Variants in MAP3K14 observed in about 807,000 individuals in gnomAD.
MAP3K14 encodes the protein mitogen-activated protein kinase kinase kinase 14.
MAP3K14 carries 16 observed loss-of-function variants against 99.2 expected under a neutral mutation model. The observed-to-expected ratio is 0.16, with a 90% CI of 0.11 to 0.24. The LOEUF is 0.24. MAP3K14 is among the 10% of genes least tolerant of loss of function. The pLI, the probability that MAP3K14 is intolerant of heterozygous loss-of-function variation, is 1.00. For missense variants in MAP3K14, 784 were observed against 1,208.7 expected (o/e 0.65, Z 5.21); for synonymous variants, 462 against 492.4 (o/e 0.94, Z 0.82).
intron 1 of MAP3K14, among the ~76,000 whole-genome samples, chr17:45,310,218 T>C (rs1463453993): frequency 2.5e-4 from 38 of 151,936 alleles, no homozygotes; most frequent in Non-Finnish European, 5.9e-5. Context: ...GTATTTTTAG[T>C]AGAGATGGGG....
At chr17:45,308,402 T>G (rs944539402) in intron 1 of MAP3K14, among the ~76,000 whole-genome samples, 18 of 152,194 alleles carry the variant, frequency 1.2e-4, no homozygotes, top group Non-Finnish European at 1.9e-4. Flanking sequence ...GCCTATGGGA[T>G]GTGCCAGTGT....
chr17:45,297,309 A>G (rs2044353066), intron 1 of MAP3K14, among the ~76,000 whole-genome samples: 1 of 152,246 alleles, frequency 6.6e-6, no homozygotes. Context: ...GCATCTGCCC[A>G]TCTACTGTTG....
rs546789571 is a variant in MAP3K14 at position 45,308,432 on chromosome 17, C to T, written c.-21+8528G>A. On this transcript the variant is annotated intron_variant, in intron 1 of 15. Coordinates refer to ENST00000344686, the MANE Select transcript of MAP3K14 (RefSeq NM_003954.5). Reference sequence around the variant, plus strand: ...CAGTGTGGTCACTGCCCTCCCAATTCTCACTTGGAGGGGTGGGAGGTGGTC... The same window carrying T: ...CAGTGTGGTCACTGCCCTCCCAATTTTCACTTGGAGGGGTGGGAGGTGGTC... Among the ~76,000 whole-genome samples the T allele has an allele frequency of 3.3e-5, 5 of 152,336 alleles. No individual in the cohort carries two copies. In the East Asian group the frequency reaches 9.6e-4, roughly 29 times the overall value.
In MAP3K14 at chr17:45,286,469, G is replaced by T; in HGVS notation, c.1114C>A (p.Pro372Thr). The change falls in exon 5 of 16, where the codon CCC becomes ACC. Residue 372 changes from proline to threonine, a missense_variant. Pro to Thr is a conservative substitution (Grantham distance 38). This residue lies in a region of MAP3K14 where 138 missense variants were observed against 164.1 expected (regional missense o/e 0.84). Coordinates refer to ENST00000344686, the MANE Select transcript of MAP3K14 (RefSeq NM_003954.5). This position sits in a 1 kb window ranked among gnomAD's most constrained non-coding sequence, Gnocchi z 4.1. ...ARGSRSREPS[P>T]KTEDNEGVLL... Reference sequence around the variant, plus strand: ...ACACCCTCGTTGTCCTCAGTTTTGGGGCTGGGCTCCCGGGATCTGGAGCCC... The same window carrying T: ...ACACCCTCGTTGTCCTCAGTTTTGGTGCTGGGCTCCCGGGATCTGGAGCCC... 1 of 1,602,008 alleles carries T rather than the reference G, an allele frequency of 6.2e-7. No individual in the cohort carries two copies. Among genetic ancestry groups the T allele is most frequent in the Non-Finnish European group, 8.5e-7 (1 of 1,173,142 alleles).
At position 45,275,152 on chromosome 17, in the gene MAP3K14, T is replaced by TA. The variant is rs1177840962; in HGVS notation, c.1291-560dup. On this transcript the variant is annotated intron_variant, in intron 6 of 15. Transcript: ENST00000344686. ...AGACTCCGTCTCAAAAAAAAAAAAT[T>TA]AAAAAAACAAAACAAAACACTACAT... Among the ~76,000 whole-genome samples the TA allele has an allele frequency of 2.9e-5, 4 of 137,342 alleles. No individual in the cohort carries two copies. The East Asian group carries it at 8.8e-4, about 30-fold the overall frequency. The allele number at this position is 137,342 out of a possible 152,430, so 90.1% of individuals were successfully genotyped here.
In MAP3K14 at chr17:45,267,071, C is replaced by T. The variant is rs1388967972; in HGVS notation, c.2433+21G>A. The T allele has an allele frequency of 6.5e-7, 1 of 1,543,864 alleles. No homozygotes were observed. The highest frequency in any genetic ancestry group is 8.8e-7 in the Non-Finnish European group (1 of 1,137,328). ...AAACCACACCCCTGGAGCCATGGCT[C>T]CGGGGCCACAACCGACTCACCTTCT... On this transcript the variant is annotated intron_variant, in intron 13 of 15. Transcript: ENST00000344686. The surrounding 1 kb of genome is among the most constrained non-coding windows in gnomAD (Gnocchi z 5.1).
chr17:45,284,328 G>A (rs1399078634), intron 6 of MAP3K14, among the ~76,000 whole-genome samples: 4 of 152,204 alleles, frequency 2.6e-5, no homozygotes, highest in Non-Finnish European at 4.4e-5. Context: ...ACTGTGGCAC[G>A]CCTGGCCAAC....
intron 1 of MAP3K14, among the ~76,000 whole-genome samples, chr17:45,312,863 G>A (rs2044493253): frequency 6.6e-6 from 1 of 152,212 alleles, no homozygotes; most frequent in South Asian, 2.1e-4. Flanking sequence ...TCATCCCACA[G>A]AACCAAATGT....
intron 6 of MAP3K14, among the ~76,000 whole-genome samples, chr17:45,278,705 G>A (rs1598249827): frequency 6.7e-6 from 1 of 149,784 alleles, no homozygotes; most frequent in African/African-American, 2.5e-5. Context: ...TTGAGACAAG[G>A]TCTCCCTTGG....
chr17:45,312,733 T>C (rs2044491741), intron 1 of MAP3K14, among the ~76,000 whole-genome samples: 1 of 152,126 alleles, frequency 6.6e-6, no homozygotes, highest in Non-Finnish European at 1.5e-5. Context: ...AAGGGGAATC[T>C]GCAAGTCCTT....
intron 6 of MAP3K14, among the ~76,000 whole-genome samples, chr17:45,283,423 C>T (rs1340026068): frequency 2.0e-5 from 3 of 152,206 alleles, no homozygotes; most frequent in East Asian, 1.9e-4. Context: ...TTTTCGTATT[C>T]GACACAGTGT....
At position 45,275,529 on chromosome 17, in the gene MAP3K14, CAAAA is replaced by C. The variant is rs1442886306; in HGVS notation, c.1291-940_1291-937del. On this transcript the variant is annotated intron_variant, in intron 6 of 15. Transcript: ENST00000344686. Reference sequence around the variant, plus strand: ...ACCCACAAAAAAACAAACAAAAAAACAAAAAACCCCCTACATTCGTCATCCTGGC... The same window carrying C: ...ACCCACAAAAAAACAAACAAAAAAACAACCCCCTACATTCGTCATCCTGGC... Among the ~76,000 whole-genome samples the C allele has an allele frequency of 4.7e-5, 7 of 150,480 alleles. No homozygotes were observed. In the East Asian group the frequency reaches 1.2e-3, roughly 25 times the overall value.
chr17:45,278,844 TG>T (rs2044198795), intron 6 of MAP3K14, among the ~76,000 whole-genome samples: 1 of 152,090 alleles, frequency 6.6e-6, no homozygotes, highest in Non-Finnish European at 1.5e-5. Context: ...AGCTAATTTT[TG>T]TAGAGATGGG....
At position 45,271,172 on chromosome 17, in the gene MAP3K14, C is replaced by A. The variant is rs1318160302; in HGVS notation, c.1707G>T (p.Leu569=). 2 of 1,613,552 alleles carry A rather than the reference C, an allele frequency of 1.2e-6. No individual in the cohort carries two copies. Among genetic ancestry groups the A allele is most frequent in the East Asian group, 4.5e-5 (2 of 44,870 alleles). Residue 569 remains leucine (L), a synonymous_variant, in exon 10 of 16, where the codon CTG becomes CTT. Transcript: ENST00000344686. ...CCACCTTGGCGTCGCAGCTCCTGCC[C>A]AGCACCACCTCCGGAGCCATGTGGG... ...TETHMAPEVV[L]GRSCDAKVDV...
intron 6 of MAP3K14, among the ~76,000 whole-genome samples, chr17:45,276,853 G>C (rs1328531784): frequency 6.3e-5 from 5 of 79,528 alleles, no homozygotes; most frequent in African/African-American, 2.6e-4. Flanking sequence ...TTTTGAGACA[G>C]AGTCTCGCTC....
At chr17:45,287,114 C>A (rs747052805) in intron 4 of MAP3K14, 40 bp downstream of exon 4, 1 of 1,603,654 alleles carries the variant, frequency 6.2e-7, no homozygotes, top group South Asian at 1.1e-5. Flanking sequence ...TTTCAAGGCC[C>A]CATGAACCTG....
chr17:45,298,365 T>A (rs913998725), intron 1 of MAP3K14, among the ~76,000 whole-genome samples: 14 of 152,194 alleles, frequency 9.2e-5, no homozygotes, highest in African/African-American at 3.1e-4. Flanking sequence ...AATATTAGCA[T>A]GTCATTAACC....
intron 1 of MAP3K14, among the ~76,000 whole-genome samples, chr17:45,292,830 G>A (rs890357224): frequency 7.2e-5 from 11 of 152,296 alleles, no homozygotes; most frequent in Middle Eastern, 3.4e-3. Flanking sequence ...CGATGTGAGC[G>A]TGACCTCCTC....
chr17:45,308,771 G>T (rs1029891895), intron 1 of MAP3K14, among the ~76,000 whole-genome samples: 1 of 151,704 alleles, frequency 6.6e-6, no homozygotes, highest in Non-Finnish European at 1.5e-5. Flanking sequence ...AGGTTCAAGT[G>T]ATTCTTGTGC....
Sources: gnomAD v4.1 joint callset for allele counts (sites outside exome capture counted in the v4.1 genomes callset) on GRCh38, gnomAD v4.1.1 for gene constraint, gnomAD v4.1.1 regional missense constraint, Gnocchi (gnomAD v3.1) non-coding constraint, MANE v1.5 for transcripts, NCBI Gene and HGNC (gene_info 2026-07-23, HGNC 2026-07-21) for gene names.